The following XPR1 variants were observed in gnomAD, a reference collection of about 807,000 sequenced individuals.
The protein encoded by XPR1 is solute carrier family 53 member 1.
In XPR1, 28 loss-of-function variants were observed where a neutral mutation model predicts 87.5. The ratio of observed to expected loss-of-function variants is 0.32; its 90% confidence interval spans 0.24 to 0.44. The LOEUF is 0.44. Ranked by LOEUF, XPR1 falls within the 20% of genes least tolerant of loss-of-function variation. The pLI is 1.00. For synonymous variants in XPR1, 300 were observed against 306.1 expected (o/e 0.98, Z 0.21); for missense variants, 559 against 862.3 (o/e 0.65, Z 4.41).
chr1:180,757,670 C>T (rs1647801854), intron 2 of XPR1, among the ~76,000 whole-genome samples: 1 of 151,698 alleles, frequency 6.6e-6, no homozygotes, highest in African/African-American at 2.4e-5. Flanking sequence ...GTGCACACCA[C>T]CATGCCTGGA....
At chr1:180,827,862 T>G (rs1180645467) in intron 9 of XPR1, among the ~76,000 whole-genome samples, 1 of 139,906 alleles carries the variant, frequency 7.1e-6, no homozygotes, top group East Asian at 2.1e-4. Context: ...AAAGTACATT[T>G]CTTTCTTTTT....
intron 2 of XPR1, among the ~76,000 whole-genome samples, chr1:180,727,976 G>A (rs1402060220): frequency 2.0e-5 from 3 of 152,154 alleles, no homozygotes; most frequent in Non-Finnish European, 4.4e-5. Flanking sequence ...CTTTATGCCA[G>A]TATCTTGTGT....
chr1:180,874,060 C>G (rs2102219375), intron 13 of XPR1, 118 bp downstream of exon 13: 1 of 1,206,318 alleles, frequency 8.3e-7, no homozygotes, highest in Non-Finnish European at 1.1e-6. Flanking sequence ...TCCAACTTTT[C>G]TCAAATTTCT....
At chr1:180,785,508 A>G (rs1649107203) in intron 2 of XPR1, among the ~76,000 whole-genome samples, 1 of 152,062 alleles carries the variant, frequency 6.6e-6, no homozygotes, top group Non-Finnish European at 1.5e-5. Flanking sequence ...AGACTGATTC[A>G]TGGGTAGAAT....
At chr1:180,708,975 G>A (rs1343340570) in intron 2 of XPR1, among the ~76,000 whole-genome samples, 3 of 143,824 alleles carry the variant, frequency 2.1e-5, no homozygotes, top group Non-Finnish European at 3.0e-5. Flanking sequence ...GCAGTGGCAC[G>A]ATCTTGGCTC....
intron 2 of XPR1, among the ~76,000 whole-genome samples, chr1:180,707,603 T>G (rs1478408339): frequency 1.3e-5 from 2 of 152,192 alleles, no homozygotes; most frequent in Non-Finnish European, 2.9e-5. Context: ...TGTTCCTGTT[T>G]ATAGATTTTG....
At chr1:180,752,991 G>T (rs560777728) in intron 2 of XPR1, among the ~76,000 whole-genome samples, 18 of 152,146 alleles carry the variant, frequency 1.2e-4, no homozygotes, top group Admixed American at 7.2e-4. Context: ...TGCTCTTAAT[G>T]ATTTAAAAAA....
chr1:180,764,794 T>TC (rs1648208502), intron 2 of XPR1, among the ~76,000 whole-genome samples: 3 of 146,758 alleles, frequency 2.0e-5, no homozygotes, highest in African/African-American at 7.6e-5. Context: ...TTTTCTTTTT[T>TC]TTTTTTTTTG....
chr1:180,697,274 T>G (rs1657202551), intron 2 of XPR1, among the ~76,000 whole-genome samples: 1 of 152,168 alleles, frequency 6.6e-6, no homozygotes, highest in Non-Finnish European at 1.5e-5. Flanking sequence ...TTGTTCATAA[T>G]AGTGTCTAAT....
chr1:180,839,175 C>A (rs986442174), intron 11 of XPR1, among the ~76,000 whole-genome samples: 1 of 151,914 alleles, frequency 6.6e-6, no homozygotes, highest in Non-Finnish European at 1.5e-5. Flanking sequence ...GTTATTTGTT[C>A]AAAAAATTGT....
chr1:180,682,324 A>G (rs761265516), intron 1 of XPR1, 36 bp from the exon 2 acceptor site: 2 of 1,537,458 alleles, frequency 1.3e-6, no homozygotes, highest in South Asian at 1.2e-5. Flanking sequence ...AAGCTTACTC[A>G]TGATTTCATA....
intron 7 of XPR1, among the ~76,000 whole-genome samples, chr1:180,823,005 C>A (rs544619941): frequency 6.6e-6 from 1 of 151,966 alleles, no homozygotes; most frequent in Non-Finnish European, 1.5e-5. Flanking sequence ...TTTGGGAGGC[C>A]GAGGAGGGCA....
At chr1:180,636,366 T>G (rs540668118) in intron 1 of XPR1, among the ~76,000 whole-genome samples, 36 of 152,352 alleles carry the variant, frequency 2.4e-4, no homozygotes, top group Non-Finnish European at 4.7e-4. Flanking sequence ...AGATAACACT[T>G]GTAAATGATT....
intron 13 of XPR1, chr1:180,878,427 G>A (rs1173339862): frequency 1.3e-5 from 2 of 152,092 alleles, no homozygotes; most frequent in Non-Finnish European, 2.9e-5. Flanking sequence ...ATTCAAGTAT[G>A]TATTCCCAAT....
At position 180,829,403 on chromosome 1, in the gene XPR1, AAGG is replaced by A. The variant is rs1164480341; in HGVS notation, c.1134+4065_1134+4067del. Among the ~76,000 whole-genome samples, 11 of 152,278 alleles carry A rather than the reference AAGG, an allele frequency of 7.2e-5. No individual in the cohort carries two copies. The East Asian group carries it at 1.9e-3, about 27-fold the overall frequency. ...AAGGCCTTATCCAGATTAAGAAGAG[AAGG>A]AGGAGTGAGTTACAGAATTCTCTCC... On this transcript the variant is annotated intron_variant, in intron 9 of 14. Coordinates refer to ENST00000367590, the MANE Select transcript of XPR1 (RefSeq NM_004736.4).
chr1:180,794,874 G>A (rs948320654), intron 3 of XPR1, among the ~76,000 whole-genome samples: 1 of 152,206 alleles, frequency 6.6e-6, no homozygotes, highest in African/African-American at 2.4e-5. Flanking sequence ...TTGCTGGTTA[G>A]AGAGAAAAGT....
intron 7 of XPR1, among the ~76,000 whole-genome samples, chr1:180,818,354 A>T (rs1273454671): frequency 6.7e-6 from 1 of 149,868 alleles, no homozygotes; most frequent in Non-Finnish European, 1.5e-5. Flanking sequence ...AAACAGGTAC[A>T]TATTTGCTTA....
intron 2 of XPR1, among the ~76,000 whole-genome samples, chr1:180,750,957 T>G: frequency 6.6e-6 from 1 of 152,066 alleles, no homozygotes; most frequent in Non-Finnish European, 1.5e-5. Flanking sequence ...TAGTTTTAGT[T>G]TTCCACATAC....
intron 1 of XPR1, among the ~76,000 whole-genome samples, chr1:180,656,616 AT>A (rs1655533379): frequency 9.4e-6 from 1 of 106,604 alleles, no homozygotes; most frequent in Non-Finnish European, 1.8e-5. Flanking sequence ...TATGTATAAT[AT>A]ATTTTATATA....
Sources: allele counts gnomAD v4.1 joint callset (sites outside exome capture counted in the v4.1 genomes callset), GRCh38; gene constraint gnomAD v4.1.1; transcripts MANE v1.5; gene names NCBI Gene and HGNC (gene_info 2026-07-23, HGNC 2026-07-21).